The following TATDN3 variants were observed in gnomAD, a reference collection of about 807,000 sequenced individuals.
The protein encoded by TATDN3 is deoxyribonuclease TATDN3.
TATDN3 carries 29 observed loss-of-function variants against 40.1 expected under a neutral mutation model. That is an observed-to-expected ratio of 0.72 (90% CI 0.54 to 0.99). TATDN3 has a LOEUF of 0.99. TATDN3 is among the 50% of genes least tolerant of loss of function. The pLI is 0.00. For missense variants in TATDN3, 309 were observed against 321.9 expected, an observed-to-expected ratio of 0.96 and a Z score of 0.31; for synonymous variants, 105 against 117.0, an observed-to-expected ratio of 0.90 and a Z score of 0.66.
chr1:212,796,779 C>T (rs1312716600), intron 3 of TATDN3, 189 bp downstream of exon 3: 7 of 493,488 alleles, frequency 1.4e-5, no homozygotes, highest in Non-Finnish European at 2.5e-5. Flanking sequence ...GCTCTGTCAC[C>T]CAAGCTGGAG....
At chr1:212,802,341 C>T (rs1286829443) in intron 4 of TATDN3, among the ~76,000 whole-genome samples, 1 of 152,226 alleles carries the variant, frequency 6.6e-6, no homozygotes, top group Admixed American at 6.5e-5. Context: ...AATCGCAAAG[C>T]TCACATGCAG....
At chr1:212,794,361 T>G (rs1362521769) in intron 1 of TATDN3, among the ~76,000 whole-genome samples, 1 of 149,974 alleles carries the variant, frequency 6.7e-6, no homozygotes, top group Admixed American at 6.6e-5. Flanking sequence ...GAGGCCAAGG[T>G]GGGTGGGTCA....
At chr1:212,794,047 G>A (rs919104966) in intron 1 of TATDN3, among the ~76,000 whole-genome samples, 12 of 151,582 alleles carry the variant, frequency 7.9e-5, no homozygotes, top group Non-Finnish European at 1.3e-4. Context: ...TTGGGAGGCC[G>A]AGGTGGGCAG....
chr1:212,802,658 G>C (rs776173385), intron 4 of TATDN3, 43 bp from the exon 5 acceptor site: 11 of 1,357,634 alleles, frequency 8.1e-6, no homozygotes, highest in Non-Finnish European at 1.1e-5. Context: ...TGAAATAGCA[G>C]TTCCTTTCTT....
In TATDN3 at chr1:212,807,649, C is replaced by T. The variant is rs2102470100; in HGVS notation, c.488-87C>T. The T allele has an allele frequency of 6.0e-6, 6 of 998,888 alleles. No homozygotes were observed. The South Asian group carries it at 8.0e-5, about 13-fold the overall frequency. 61.9% of individuals were successfully genotyped at this position (998,888 alleles called of 1,614,324 possible). A position where few individuals can be genotyped will look rare whatever the true frequency, so the allele number is the denominator to read the frequency against. ...CTCTTGTTTATATCCTAGTGACCAA[C>T]ATTTACTTAAAATTTCAGACTTCTG... On this transcript the variant is annotated intron_variant, in intron 7 of 9. Coordinates refer to ENST00000366974, the MANE Select transcript of TATDN3 (RefSeq NM_001042552.3).
intron 4 of TATDN3, among the ~76,000 whole-genome samples, chr1:212,802,415 T>A (rs1662224281): frequency 6.6e-6 from 1 of 152,192 alleles, no homozygotes; most frequent in Non-Finnish European, 1.5e-5. Context: ...AAATGCCTCC[T>A]AAATGTCAGG....
rs892964974 is a variant in TATDN3 at position 212,804,530 on chromosome 1, C to T, written c.432-66C>T. 3.2e-6 allele frequency: 5 copies of T among 1,575,506 alleles called. No homozygotes were observed. The Admixed American group carries it at 5.3e-5, about 17-fold the overall frequency. ...TCTACATTTATTTTTCTCCAAACTA[C>T]TTTAATAGATCAAAAACAATACTTT... On this transcript the variant is annotated intron_variant, in intron 6 of 9. Transcript: ENST00000366974.
intron 1 of TATDN3, among the ~76,000 whole-genome samples, chr1:212,794,126 A>G (rs1426793681): frequency 6.6e-6 from 1 of 151,906 alleles, no homozygotes; most frequent in East Asian, 1.9e-4. Flanking sequence ...TAAAAGTACA[A>G]AAAAATTAGC....
At chr1:212,799,699 G>A (rs1331744625) in intron 4 of TATDN3, among the ~76,000 whole-genome samples, 1 of 152,008 alleles carries the variant, frequency 6.6e-6, no homozygotes, top group African/African-American at 2.4e-5. Context: ...CACTACACCC[G>A]GCTAATTTTT....
In TATDN3 at chr1:212,796,559, G is replaced by A. The variant is rs980400946; in HGVS notation, c.142G>A (p.Glu48Lys). 6.4e-7 allele frequency: 1 copy of A among 1,562,834 alleles called. No individual in the cohort carries two copies. Among genetic ancestry groups the A allele is most frequent in the South Asian group, 1.2e-5 (1 of 80,602 alleles). Residue 48 changes from glutamate to lysine, a missense_variant, in exon 3 of 10, where the codon GAA (glutamate) becomes AAA (lysine). Transcript: ENST00000366974. Reference protein sequence around the residue: ...ALVAVAEHSGEFEKIMQLSER... With the variant: ...ALVAVAEHSGKFEKIMQLSER... Reference sequence around the variant, plus strand: ...TGTGGCAGTTGCCGAACATTCAGGAGAATTTGAAAAGATTATGCAACTTTC... The same window carrying A: ...TGTGGCAGTTGCCGAACATTCAGGAAAATTTGAAAAGATTATGCAACTTTC...
intron 5 of TATDN3, among the ~76,000 whole-genome samples, chr1:212,803,993 G>A (rs1036543905): frequency 1.2e-4 from 18 of 152,018 alleles, no homozygotes; most frequent in South Asian, 2.1e-4. Context: ...CCGAGATCAC[G>A]CCACTGCACT....
In TATDN3 at chr1:212,791,958, T is replaced by C. The variant is rs1558072290; in HGVS notation, c.37T>C (p.Cys13Arg). The C allele has an allele frequency of 5.0e-6, 8 of 1,614,030 alleles. No individual in the cohort carries two copies. The highest frequency in any genetic ancestry group is 6.8e-6 in the Non-Finnish European group (8 of 1,179,984). The change falls in exon 1 of 10, where the codon TGC (cysteine) becomes CGC (arginine). Residue 13 changes from cysteine (C) to arginine (R), a missense_variant. Coordinates refer to ENST00000366974, the MANE Select transcript of TATDN3 (RefSeq NM_001042552.3). Reference protein sequence around the residue: ...AAGVGLVDCHCHLSAPDFDRD... With the variant: ...AAGVGLVDCHRHLSAPDFDRD... ...TGGCGTAGGCTTGGTGGACTGTCAC[T>C]GCCACCTCTCCGCCCCGGACTTTGA... is the stretch of plus-strand genomic sequence containing the variant.
chr1:212,804,601 T>C lies in TATDN3; in HGVS notation c.437T>C (p.Val146Ala), dbSNP rs1345803940. 6.2e-7 allele frequency: 1 copy of C among 1,613,460 alleles called. No individual in the cohort carries two copies. The highest frequency in any genetic ancestry group is 8.5e-7 in the Non-Finnish European group (1 of 1,179,758). The change falls in exon 7 of 10, where the codon GTG becomes GCG. Residue 146 changes from valine to alanine, a missense_variant. Coordinates refer to ENST00000366974, the MANE Select transcript of TATDN3 (RefSeq NM_001042552.3). Reference sequence around the variant, plus strand: ...ATGTTGTTATCGTTAAACAGAAATGTGCACTCACGCTCTGCTGGAAGACCT... The same window carrying C: ...ATGTTGTTATCGTTAAACAGAAATGCGCACTCACGCTCTGCTGGAAGACCT... ...LAKRLNLPVNVHSRSAGRPTI... is the reference protein window; with the variant it reads ...LAKRLNLPVNAHSRSAGRPTI...
intron 8 of TATDN3, 151 bp downstream of exon 8, chr1:212,807,999 T>C: frequency 1.8e-6 from 1 of 566,852 alleles, no homozygotes; most frequent in Non-Finnish European, 3.0e-6. Context: ...AACTCAGAAA[T>C]TGATCAAAGA....
At chr1:212,804,917 A>C (rs7548861) in intron 7 of TATDN3, among the ~76,000 whole-genome samples, 31,772 of 152,172 alleles carry the variant, frequency 0.21, 4,096 homozygotes, top group African/African-American at 0.37. Flanking sequence ...TAGCAGCTTC[A>C]TAAAAAACAA....
chr1:212,792,040 C>G, intron 1 of TATDN3, 53 bp downstream of exon 1: 1 of 1,573,150 alleles, frequency 6.4e-7, no homozygotes. Context: ...CCGTCCTTTC[C>G]CCTCGTGTTA....
chr1:212,813,978 T>A lies in TATDN3; in HGVS notation c.682-1035T>A, dbSNP rs1386924783. The stretch of plus-strand genomic sequence containing the variant: ...ATGTGGTAAACCTCTGTATATATAT[T>A]TTTTTTGTTAATTTTTTTTTTAATA... On this transcript the variant is annotated intron_variant, in intron 9 of 9. Coordinates refer to ENST00000366974, the MANE Select transcript of TATDN3 (RefSeq NM_001042552.3). Among the ~76,000 whole-genome samples, 5 of 152,032 alleles carry A rather than the reference T, an allele frequency of 3.3e-5. No homozygotes were observed. The South Asian group carries it at 8.3e-4, about 25-fold the overall frequency.
rs187025333 is a variant in TATDN3, at chr1:212,794,610, G to A, written c.67-485G>A. On this transcript the variant is annotated intron_variant, in intron 1 of 9. Coordinates refer to ENST00000366974, the MANE Select transcript of TATDN3 (RefSeq NM_001042552.3). ...CATCTCAAAAAAAAGAAAAAAAATG[G>A]GGGCCTCAGCATAATGATGATAAAA... 4 of 337,370 alleles carry A rather than the reference G, an allele frequency of 1.2e-5. 1 individual carries two copies. The highest frequency in any genetic ancestry group is 9.4e-5 in the South Asian group (4 of 42,604). 20.9% of individuals were successfully genotyped at this position (337,370 alleles called of 1,614,324 possible).
At chr1:212,804,514 A>G (rs998878019) in intron 6 of TATDN3, 82 bp from the exon 7 acceptor site, 1 of 1,556,298 alleles carries the variant, frequency 6.4e-7, no homozygotes, top group Admixed American at 1.8e-5. Context: ...CTCTACATTT[A>G]TTTTTCTCCA....
Sources: gnomAD v4.1 joint callset for allele counts (sites outside exome capture counted in the v4.1 genomes callset) on GRCh38, gnomAD v4.1.1 for gene constraint, MANE v1.5 for transcripts, NCBI Gene and HGNC (gene_info 2026-07-23, HGNC 2026-07-21) for gene names.